Variants in TAMM41 observed in about 807,000 individuals in gnomAD.
The protein encoded by TAMM41 is phosphatidate cytidylyltransferase, mitochondrial.
Under a neutral mutation model 44.1 loss-of-function variants are expected in TAMM41, and 36 were observed. That is an observed-to-expected ratio of 0.82 (90% confidence interval 0.63 to 1.08). The LOEUF is 1.08. TAMM41 is among the 50% of genes least tolerant of loss of function. The probability of loss-of-function intolerance (pLI) is 0.00; values close to 1 mark genes in which losing one functional copy is unlikely to be tolerated. For synonymous variants in TAMM41, 164 were observed against 153.1 expected (o/e 1.07, Z -0.53); for missense variants, 417 against 404.3 (o/e 1.03, Z -0.27).
intron 5 of TAMM41, 58 bp downstream of exon 5, chr3:11,817,134 T>C (rs759071203): frequency 1.0e-5 from 16 of 1,565,416 alleles, no homozygotes; most frequent in Non-Finnish European, 1.4e-5. Flanking sequence ...CCTGACTTTC[T>C]TCCTGCAAAT....
chr3:11,780,735 G>A, the TAMM41 span, among the ~76,000 whole-genome samples: 2 of 152,130 alleles, frequency 1.3e-5, no homozygotes, highest in Non-Finnish European at 2.9e-5. Context: ...AGTTACCCCT[G>A]TAATTAAGTA....
At chr3:11,785,256 G>T in the TAMM41 span, among the ~76,000 whole-genome samples, 2 of 152,188 alleles carry the variant, frequency 1.3e-5, no homozygotes, top group Non-Finnish European at 1.5e-5. Context: ...AGGAGGAAGA[G>T]AAGTTCCTGG....
At chr3:11,809,808 C>T in intron 5 of TAMM41, 126 bp from the exon 6 acceptor site, 1 of 907,428 alleles carries the variant, frequency 1.1e-6, no homozygotes, top group Admixed American at 2.9e-5. Flanking sequence ...GGCGAGGCAG[C>T]AAGCTAAGGA....
intron 1 of TAMM41, 56 bp from the exon 2 acceptor site, chr3:11,844,267 G>T: frequency 6.5e-7 from 1 of 1,549,900 alleles, no homozygotes; most frequent in Non-Finnish European, 8.8e-7. Context: ...AAGGCAGCAA[G>T]AGAGCATGGA....
chr3:11,823,254 GT>G lies in TAMM41; in HGVS notation c.563-5918del, dbSNP rs912198535. 7.5e-3 allele frequency among the ~76,000 whole-genome samples: 953 copies of G among 126,742 alleles called. 11 individuals are homozygous for G. Among genetic ancestry groups the G allele is most frequent in the African/African-American group, 0.023 (824 of 35,070 alleles). 83.1% of individuals were successfully genotyped at this position (126,742 alleles called of 152,430 possible). On this transcript the variant is annotated intron_variant, in intron 4 of 7. Transcript: ENST00000455809. ...TTTTCATTGTTTTGTTGTTGTTGTT[GT>G]TTTTTTTTTTTTTTTTTTGAGACAG...
chr3:11,796,247 AATTTAG>A (rs1413914115), intron 7 of TAMM41, among the ~76,000 whole-genome samples: 2 of 152,072 alleles, frequency 1.3e-5, no homozygotes, highest in Admixed American at 1.3e-4. Context: ...AGTAGAGTGA[AATTTAG>A]ATCTACATTC....
the TAMM41 span, among the ~76,000 whole-genome samples, chr3:11,746,675 GTC>G: frequency 5.9e-5 from 9 of 152,086 alleles, no homozygotes; most frequent in Admixed American, 5.9e-4. Flanking sequence ...TTAAGGCAGA[GTC>G]TCTCTCTATT....
the TAMM41 span, among the ~76,000 whole-genome samples, chr3:11,745,876 TA>T: frequency 6.6e-6 from 1 of 152,190 alleles, no homozygotes; most frequent in Non-Finnish European, 1.5e-5. Context: ...ACATTAGTGG[TA>T]AACTACAGTT....
At position 11,846,836 on chromosome 3, in the gene TAMM41, C is replaced by A; in HGVS notation, c.-200G>T. On this transcript the variant is annotated 5_prime_UTR_variant, in exon 1 of 8. Coordinates refer to ENST00000455809, the MANE Select transcript of TAMM41 (RefSeq NM_001284401.2). ...CACGAAGAGCAGCGGCGAGAAGACG[C>A]AGCCCAGATAGGCTCGGGTGGGCGG... 2 of 656,832 alleles carry A rather than the reference C, an allele frequency of 3.0e-6. No homozygotes were observed. Among genetic ancestry groups the A allele is most frequent in the South Asian group, 1.9e-5 (1 of 52,564 alleles). The allele number at this position is 656,832 out of a possible 1,614,324, so 40.7% of individuals were successfully genotyped here. A position where few individuals can be genotyped will look rare whatever the true frequency, so the allele number is the denominator to read the frequency against.
chr3:11,751,596 T>C, the TAMM41 span, among the ~76,000 whole-genome samples: 1 of 152,176 alleles, frequency 6.6e-6, no homozygotes, highest in East Asian at 1.9e-4. Flanking sequence ...AGGGCACTGT[T>C]GGCAGAAGAC....
At chr3:11,750,374 G>A in the TAMM41 span, among the ~76,000 whole-genome samples, 1 of 151,872 alleles carries the variant, frequency 6.6e-6, no homozygotes, top group African/African-American at 2.4e-5. Context: ...GTGTGATCAT[G>A]GCTCACTGAC....
chr3:11,783,088 A>C, the TAMM41 span, among the ~76,000 whole-genome samples: 3 of 152,144 alleles, frequency 2.0e-5, no homozygotes, highest in African/African-American at 7.2e-5. Context: ...CTCCTTTCTA[A>C]AGTCCTGCTT....
At chr3:11,844,998 C>T (rs531543417) in intron 1 of TAMM41, 1 of 456,100 alleles carries the variant, frequency 2.2e-6, no homozygotes, top group African/African-American at 2.0e-5. Flanking sequence ...TTGCTGGAAG[C>T]ACTGGGGGAA....
chr3:11,837,708 T>C (rs2079242744), intron 3 of TAMM41, among the ~76,000 whole-genome samples: 1 of 152,176 alleles, frequency 6.6e-6, no homozygotes. Flanking sequence ...GGCACTGCCC[T>C]TGGGACGCAT....
At chr3:11,777,077 T>G in the TAMM41 span, among the ~76,000 whole-genome samples, 1 of 152,306 alleles carries the variant, frequency 6.6e-6, no homozygotes, top group African/African-American at 2.4e-5. Flanking sequence ...CATTTAAAAA[T>G]AATGTATTGT....
Position 11,834,128 on chromosome 3 carries a change from C to T in TAMM41, c.412-4264G>A, listed in dbSNP as rs371398673. On this transcript the variant is annotated intron_variant, in intron 3 of 7. Coordinates refer to ENST00000455809, the MANE Select transcript of TAMM41 (RefSeq NM_001284401.2). ...GCATGGTGGCACGTGCCTATAGTTC[C>T]GGCTACTCAGGAGGCTGAGATGGGA... Among the ~76,000 whole-genome samples the T allele has an allele frequency of 3.9e-5, 6 of 152,126 alleles. No homozygotes were observed. In the South Asian group the frequency reaches 8.3e-4, roughly 21 times the overall value.
At chr3:11,760,816 C>T in the TAMM41 span, among the ~76,000 whole-genome samples, 1 of 151,974 alleles carries the variant, frequency 6.6e-6, no homozygotes, top group Admixed American at 6.5e-5. Context: ...CCGCTTTGGC[C>T]TCCCAAAGTG....
At chr3:11,730,249 C>T in the TAMM41 span, among the ~76,000 whole-genome samples, 2 of 151,766 alleles carry the variant, frequency 1.3e-5, no homozygotes. Context: ...GGCAAAACCC[C>T]ATCTCTACTA....
chr3:11,833,485 C>T (rs904394331), intron 3 of TAMM41, among the ~76,000 whole-genome samples: 13 of 152,262 alleles, frequency 8.5e-5, no homozygotes, highest in South Asian at 4.2e-4. Context: ...CCATTCCAAA[C>T]GACCAGGAGG....
Sources: allele counts gnomAD v4.1 joint callset (sites outside exome capture counted in the v4.1 genomes callset), GRCh38; gene constraint gnomAD v4.1.1; transcripts MANE v1.5; gene names NCBI Gene and HGNC (gene_info 2026-07-23, HGNC 2026-07-21).